Variants in DMBX1 observed in about 807,000 individuals in gnomAD.
DMBX1 encodes diencephalon/mesencephalon homeobox 1, also known as diencephalon/mesencephalon homeobox protein 1.
DMBX1 carries 7 observed loss-of-function variants against 30.4 expected under a neutral mutation model. The observed-to-expected ratio is 0.23, with a 90% confidence interval of 0.13 to 0.43. The LOEUF (loss-of-function observed/expected upper bound fraction) is 0.43. DMBX1 is among the 20% of genes least tolerant of loss of function. The probability of loss-of-function intolerance (pLI) is 1.00; values close to 1 mark genes in which losing one functional copy is unlikely to be tolerated. For synonymous variants in DMBX1, 222 were observed against 214.2 expected (o/e 1.04, Z -0.32); for missense variants, 460 against 508.5 (o/e 0.90, Z 0.92).
chr1:46,511,029 A>G lies in DMBX1; in HGVS notation c.428A>G (p.His143Arg). ...LQKQKEAEGS[H>R]GEGKAEAPTP... Reference sequence around the variant, plus strand: ...AAGCAGAAGGAGGCTGAGGGCTCCCATGGGGAAGGCAAGGCCGAGGCCCCC... The same window carrying G: ...AAGCAGAAGGAGGCTGAGGGCTCCCGTGGGGAAGGCAAGGCCGAGGCCCCC... Residue 143 changes from histidine to arginine, a missense_variant, in exon 5 of 6, where the codon CAT becomes CGT. Physicochemically the swap from His to Arg is conservative, Grantham distance 29. Transcript: ENST00000360032. 1 of 1,614,088 alleles carries G rather than the reference A, an allele frequency of 6.2e-7. No individual in the cohort carries two copies. Among genetic ancestry groups the G allele is most frequent in the Non-Finnish European group, 8.5e-7 (1 of 1,179,986 alleles).
intron 2 of DMBX1, among the ~76,000 whole-genome samples, chr1:46,499,555 G>A (rs1666085315): frequency 6.6e-6 from 1 of 152,224 alleles, no homozygotes; most frequent in South Asian, 2.1e-4. Context: ...TTCTGAATCT[G>A]TAAAATGGGG....
At position 46,511,182 on chromosome 1, in the gene DMBX1, G is replaced by T. The variant is rs372261765; in HGVS notation, c.581G>T (p.Arg194Leu). 9.3e-6 allele frequency: 15 copies of T among 1,613,762 alleles called. No individual in the cohort carries two copies. In the South Asian group the frequency reaches 1.2e-4, roughly 13 times the overall value. ...TCAGCCCCCGAGGATCAGCCGGACC[G>T]TGAGGAGGACCCCAGGGCAGGGGCT... ...SESAPEDQPD[R>L]EEDPRAGAED... The change falls in exon 5 of 6, where the codon CGT becomes CTT. Residue 194 changes from arginine (R) to leucine (L), a missense_variant. By Grantham distance (102) the Arg-to-Leu change is moderately radical. This residue lies in a region of DMBX1 where 334 missense variants were observed against 345.1 expected (regional missense o/e 0.97). Coordinates refer to ENST00000360032, the MANE Select transcript of DMBX1 (RefSeq NM_172225.2).
chr1:46,512,075 G>GC lies in DMBX1; in HGVS notation c.719dup (p.Gly241ArgfsTer112). ...AGGCAGCCTGACCATCACTCCTGTG[G>GC]CCCCAGGGGGTGGCCTCCTGGGCCC... On this transcript the variant is annotated frameshift_variant, in exon 6 of 6. Transcript: ENST00000360032. LOFTEE classifies it high-confidence loss of function. This position sits in a 1 kb window ranked among gnomAD's most constrained non-coding sequence, Gnocchi z 4.8. 1 of 1,612,966 alleles carries GC rather than the reference G, an allele frequency of 6.2e-7. No individual in the cohort carries two copies. The highest frequency in any genetic ancestry group is 8.5e-7 in the Non-Finnish European group (1 of 1,179,846).
intron 2 of DMBX1, among the ~76,000 whole-genome samples, chr1:46,492,491 C>G (rs1485239214): frequency 2.6e-5 from 4 of 152,148 alleles, no homozygotes; most frequent in Non-Finnish European, 5.9e-5. Flanking sequence ...TAGTGCCAGC[C>G]TCTTGGAAGC....
chr1:46,501,372 C>T (rs1308305176), intron 2 of DMBX1, among the ~76,000 whole-genome samples: 1 of 151,774 alleles, frequency 6.6e-6, no homozygotes, highest in Non-Finnish European at 1.5e-5. Flanking sequence ...CCTCCACCTT[C>T]CGGGTTCAAG....
chr1:46,490,465 G>C (rs1341656985), intron 1 of DMBX1, among the ~76,000 whole-genome samples, 179 bp from the exon 2 acceptor site: 1 of 152,104 alleles, frequency 6.6e-6, no homozygotes, highest in Non-Finnish European at 1.5e-5. Flanking sequence ...ATGCGGACCA[G>C]ATGCGGCCTG....
rs1665923830 is a variant in DMBX1, at chr1:46,491,231, G to A, written c.-13+448G>A. Among the ~76,000 whole-genome samples the A allele has an allele frequency of 6.6e-6, 1 of 152,204 alleles. No homozygotes were observed. Among genetic ancestry groups the A allele is most frequent in the South Asian group, 2.1e-4 (1 of 4,826 alleles). ...CCACACTCGGTTTGGGAGGCAGTGGGCTCCTCAGGCTTGTGATTTGCGGCA... is the reference window on the plus strand; with the variant it reads ...CCACACTCGGTTTGGGAGGCAGTGGACTCCTCAGGCTTGTGATTTGCGGCA... On this transcript the variant is annotated intron_variant, in intron 2 of 5. Transcript: ENST00000360032. This position sits in a 1 kb window ranked among gnomAD's most constrained non-coding sequence, Gnocchi z 5.5.
chr1:46,500,615 C>A (rs1269145384), intron 2 of DMBX1, among the ~76,000 whole-genome samples: 1 of 146,206 alleles, frequency 6.8e-6, no homozygotes, highest in African/African-American at 2.5e-5. Context: ...ATCCCATTTG[C>A]TATCTCCCAG....
In DMBX1 at chr1:46,515,664, C is replaced by T. The variant is rs1410029333; in HGVS notation, c.*3170C>T. Reference sequence around the variant, plus strand: ...TGTCTCCTCCAAGCACACTGGTAAGCGGCACCGTGCATCTCCTCTGAGCAC... The same window carrying T: ...TGTCTCCTCCAAGCACACTGGTAAGTGGCACCGTGCATCTCCTCTGAGCAC... On this transcript the variant is annotated 3_prime_UTR_variant, in exon 6 of 6. Transcript: ENST00000360032. 2.0e-5 allele frequency among the ~76,000 whole-genome samples: 3 copies of T among 152,224 alleles called. No individual in the cohort carries two copies. Among genetic ancestry groups the T allele is most frequent in the Non-Finnish European group, 2.9e-5 (2 of 68,034 alleles).
At chr1:46,498,142 T>C (rs1422519260) in intron 2 of DMBX1, among the ~76,000 whole-genome samples, 2 of 152,174 alleles carry the variant, frequency 1.3e-5, no homozygotes, top group Admixed American at 1.3e-4. Flanking sequence ...TGGGCCTGGC[T>C]GAAGACCTCA....
chr1:46,494,147 C>T (rs1353637896), intron 2 of DMBX1, among the ~76,000 whole-genome samples: 4 of 152,232 alleles, frequency 2.6e-5, no homozygotes, highest in African/African-American at 9.6e-5. Flanking sequence ...AGCAATTACC[C>T]AGACAATTCT....
chr1:46,496,079 A>T (rs1666019395), intron 2 of DMBX1, among the ~76,000 whole-genome samples: 1 of 152,014 alleles, frequency 6.6e-6, no homozygotes, highest in Non-Finnish European at 1.5e-5. Context: ...TGGCAGGGGG[A>T]GGAAGAGGCT....
chr1:46,511,972 C>A, intron 5 of DMBX1, 71 bp from the exon 6 acceptor site: 1 of 1,460,712 alleles, frequency 6.8e-7, no homozygotes, highest in Non-Finnish European at 9.3e-7. Context: ...GGTGAGAAGG[C>A]TGAGTGCACC....
intron 2 of DMBX1, 147 bp from the exon 3 acceptor site, chr1:46,506,852 C>T (rs1177526190): frequency 2.4e-6 from 2 of 841,668 alleles, no homozygotes; most frequent in East Asian, 5.4e-5. Flanking sequence ...ACACGGTAAG[C>T]CACGGGCAAG....
intron 2 of DMBX1, among the ~76,000 whole-genome samples, chr1:46,502,213 T>G (rs993715173): frequency 2.0e-5 from 3 of 152,214 alleles, no homozygotes; most frequent in Non-Finnish European, 2.9e-5. Flanking sequence ...GGAAGTTGGA[T>G]TCACGTGTCA....
intron 3 of DMBX1, among the ~76,000 whole-genome samples, chr1:46,508,505 T>C (rs1666284889): frequency 6.6e-6 from 1 of 152,064 alleles, no homozygotes; most frequent in African/African-American, 2.4e-5. Flanking sequence ...TCTGGACCAG[T>C]GTGGAGGCAT....
In DMBX1 at chr1:46,511,217, A is replaced by G; in HGVS notation, c.616A>G (p.Lys206Glu). Residue 206 changes from lysine to glutamate, a missense_variant, in exon 5 of 6, where the codon AAA (lysine) becomes GAA (glutamate). Coordinates refer to ENST00000360032, the MANE Select transcript of DMBX1 (RefSeq NM_172225.2). ...CCCCAGGGCAGGGGCTGAGGACCCC[A>G]AAGCTGAGAAGAGCCCTGGGGCTGA... is the stretch of plus-strand genomic sequence containing the variant. The part of the protein sequence containing the change: ...EDPRAGAEDP[K>E]AEKSPGADSK... 1 of 1,612,966 alleles carries G rather than the reference A, an allele frequency of 6.2e-7. No individual in the cohort carries two copies. The highest frequency in any genetic ancestry group is 8.5e-7 in the Non-Finnish European group (1 of 1,179,826).
rs1557791468 is a variant in DMBX1 at position 46,512,242 on chromosome 1, T to A, written c.882T>A (p.Ala294=). The A allele has an allele frequency of 1.2e-6, 2 of 1,613,744 alleles. No individual in the cohort carries two copies. Among genetic ancestry groups the A allele is most frequent in the Non-Finnish European group, 1.7e-6 (2 of 1,179,902 alleles). ...CGGCCCCTGCTGCTGCAGCGGCGGC[T>A]GCTGCTGTGCCCTACCTGGGCGTCA... is the stretch of plus-strand genomic sequence containing the variant. ...GGPAPAAAAA[A]AAVPYLGVNM... Residue 294 remains alanine (A), a synonymous_variant, in exon 6 of 6, where the codon GCT becomes GCA. Coordinates refer to ENST00000360032, the MANE Select transcript of DMBX1 (RefSeq NM_172225.2). The surrounding 1 kb of genome is among the most constrained non-coding windows in gnomAD (Gnocchi z 4.8).
intron 2 of DMBX1, among the ~76,000 whole-genome samples, chr1:46,502,823 TGA>T (rs1434513759): frequency 6.6e-6 from 1 of 152,120 alleles, no homozygotes; most frequent in African/African-American, 2.4e-5. Context: ...GAGGCTACGG[TGA>T]GTCAAGATTG....
Sources: gnomAD v4.1 joint callset for allele counts (sites outside exome capture counted in the v4.1 genomes callset) on GRCh38, gnomAD v4.1.1 for gene constraint, gnomAD v4.1.1 regional missense constraint, Gnocchi (gnomAD v3.1) non-coding constraint, MANE v1.5 for transcripts, NCBI Gene and HGNC (gene_info 2026-07-23, HGNC 2026-07-21) for gene names.